IQCM: variants seen among roughly 807,000 people sequenced by gnomAD.
The protein encoded by IQCM is IQ motif containing M.
Under a neutral mutation model 57.6 loss-of-function variants are expected in IQCM, and 45 were observed. That is an observed-to-expected ratio of 0.78 (90% CI 0.62 to 1.00). IQCM has a LOEUF of 1.00. Ranked by LOEUF, IQCM falls within the 50% of genes least tolerant of loss-of-function variation. The probability of loss-of-function intolerance (pLI) is 0.00; values close to 1 mark genes in which losing one functional copy is unlikely to be tolerated. For missense variants in IQCM, 468 were observed against 511.6 expected (o/e 0.91, Z 0.82); for synonymous variants, 148 against 158.9 (o/e 0.93, Z 0.51).
chr4:149,686,926 G>C (rs1012796723), intron 5 of IQCM, among the ~76,000 whole-genome samples: 17 of 151,478 alleles, frequency 1.1e-4, no homozygotes, highest in Admixed American at 1.1e-3. Context: ...ATTTGATAGA[G>C]TAAGACTAAA....
intron 12 of IQCM, among the ~76,000 whole-genome samples, chr4:149,546,083 C>A (rs939486215): frequency 1.3e-5 from 2 of 152,048 alleles, no homozygotes; most frequent in African/African-American, 4.8e-5. Flanking sequence ...GTTTTTTGTC[C>A]TTGTGATAGT....
chr4:149,459,916 A>T (rs1738096707), intron 12 of IQCM, among the ~76,000 whole-genome samples: 1 of 152,160 alleles, frequency 6.6e-6, no homozygotes, highest in African/African-American at 2.4e-5. Flanking sequence ...CATGCTTTCA[A>T]TTATTTTGAG....
chr4:149,546,593 T>C (rs1748458021), intron 12 of IQCM, among the ~76,000 whole-genome samples: 1 of 152,214 alleles, frequency 6.6e-6, no homozygotes, highest in Non-Finnish European at 1.5e-5. Flanking sequence ...TTTTTTCAAG[T>C]GTCTTTTGGC....
intron 8 of IQCM, among the ~76,000 whole-genome samples, chr4:149,593,131 G>C (rs1282170080): frequency 6.6e-6 from 1 of 151,750 alleles, no homozygotes; most frequent in East Asian, 1.9e-4. Flanking sequence ...CTTTTATTTC[G>C]TTGAGCAGTG....
chr4:149,444,432 G>A (rs368566520), intron 12 of IQCM, among the ~76,000 whole-genome samples: 4 of 151,920 alleles, frequency 2.6e-5, no homozygotes, highest in African/African-American at 9.6e-5. Context: ...TCTGTTTTGT[G>A]CATGATATTT....
At chr4:149,417,226 A>AC (rs1477261685) in intron 13 of IQCM, among the ~76,000 whole-genome samples, 1 of 152,084 alleles carries the variant, frequency 6.6e-6, no homozygotes, top group African/African-American at 2.4e-5. Context: ...AAATTCAAGG[A>AC]CCCCAGTAGA....
intron 9 of IQCM, among the ~76,000 whole-genome samples, chr4:149,580,078 T>C (rs1752031720): frequency 6.6e-6 from 1 of 151,778 alleles, no homozygotes; most frequent in Non-Finnish European, 1.5e-5. Flanking sequence ...ATTTCGATTC[T>C]ACTATGCTCA....
chr4:149,515,332 T>C (rs1471245621), intron 12 of IQCM, among the ~76,000 whole-genome samples: 1 of 152,062 alleles, frequency 6.6e-6, no homozygotes, highest in Non-Finnish European at 1.5e-5. Flanking sequence ...ACCCATAAAG[T>C]GGGTTGTGCA....
At position 149,527,441 on chromosome 4, in the gene IQCM, C is replaced by G. The variant is rs553540999; in HGVS notation, c.1228+21014G>C. ...TGGCACCTAACAAGAGCTCTTCCTT[C>G]TGCCATGTGAGGATGCAGCAAGAAG... On this transcript the variant is annotated intron_variant, in intron 12 of 13. Transcript: ENST00000636793. 4.6e-5 allele frequency among the ~76,000 whole-genome samples: 7 copies of G among 152,312 alleles called. No homozygotes were observed. In the East Asian group the frequency reaches 1.3e-3, roughly 29 times the overall value.
intron 2 of IQCM, among the ~76,000 whole-genome samples, chr4:149,746,039 C>CAA (rs550807112): frequency 0.02 from 2,108 of 104,436 alleles, 68 homozygotes; most frequent in African/African-American, 0.067. Context: ...ATTCTTTTGG[C>CAA]AAAAAAAAAA....
At chr4:149,565,828 G>A (rs771463439) in intron 9 of IQCM, among the ~76,000 whole-genome samples, 29 of 152,180 alleles carry the variant, frequency 1.9e-4, no homozygotes, top group Admixed American at 3.3e-4. Context: ...TTTGCAAAAC[G>A]AAATAAATTA....
intron 13 of IQCM, among the ~76,000 whole-genome samples, chr4:149,421,726 T>G (rs1306210405): frequency 2.0e-5 from 3 of 151,952 alleles, no homozygotes; most frequent in African/African-American, 7.2e-5. Flanking sequence ...GTATCTATAT[T>G]TATATAAAAA....
At chr4:149,370,759 C>T (rs1443972951) in intron 13 of IQCM, among the ~76,000 whole-genome samples, 5 of 152,206 alleles carry the variant, frequency 3.3e-5, no homozygotes, top group Non-Finnish European at 7.3e-5. Flanking sequence ...TGTCTACATT[C>T]AGATGTGTAG....
chr4:149,514,145 G>A (rs1372022573), intron 12 of IQCM, among the ~76,000 whole-genome samples: 1 of 152,110 alleles, frequency 6.6e-6, no homozygotes, highest in Non-Finnish European at 1.5e-5. Flanking sequence ...CCACTTGGGA[G>A]TAATAATTAA....
rs1003244441 is a variant in IQCM at position 149,719,007 on chromosome 4, A to G, written c.385+14237T>C. On this transcript the variant is annotated intron_variant, in intron 5 of 13. Transcript: ENST00000636793. ...TTGGGTGGCCATTATTCAGCCTACT[A>G]TTTACACCTGAAGTGAAATTTTTCC... Among the ~76,000 whole-genome samples, 4 of 152,202 alleles carry G rather than the reference A, an allele frequency of 2.6e-5. No individual in the cohort carries two copies. The East Asian group carries it at 7.7e-4, about 29-fold the overall frequency.
chr4:149,599,461 C>T (rs572087445), intron 8 of IQCM, among the ~76,000 whole-genome samples: 1 of 151,918 alleles, frequency 6.6e-6, no homozygotes, highest in African/African-American at 2.4e-5. Flanking sequence ...GAGATGTTTC[C>T]TCAGGATATG....
At chr4:149,757,637 A>C (rs2149953415) in intron 2 of IQCM, among the ~76,000 whole-genome samples, 1 of 152,322 alleles carries the variant, frequency 6.6e-6, no homozygotes, top group African/African-American at 2.4e-5. Flanking sequence ...AAGATGGGGT[A>C]AACATGAATT....
At chr4:149,560,716 A>T (rs987146405) in intron 10 of IQCM, among the ~76,000 whole-genome samples, 10 of 152,176 alleles carry the variant, frequency 6.6e-5, no homozygotes, top group African/African-American at 2.4e-4. Context: ...TTTCCAAAGA[A>T]TTTCAAACCA....
intron 12 of IQCM, among the ~76,000 whole-genome samples, chr4:149,532,610 C>A (rs1746867608): frequency 6.7e-6 from 1 of 149,902 alleles, no homozygotes; most frequent in Non-Finnish European, 1.5e-5. Flanking sequence ...TACCTCTTTA[C>A]AATTTTTTCC....
Sources: allele counts gnomAD v4.1 joint callset (sites outside exome capture counted in the v4.1 genomes callset), GRCh38; gene constraint gnomAD v4.1.1; transcripts MANE v1.5; gene names NCBI Gene and HGNC (gene_info 2026-07-23, HGNC 2026-07-21).